PREX1: variants seen among roughly 807,000 people sequenced by gnomAD.
PREX1 encodes the protein phosphatidylinositol 3,4,5-trisphosphate-dependent Rac exchanger 1 protein.
In PREX1, 41 loss-of-function variants were observed where a neutral mutation model predicts 198.3. The observed-to-expected ratio is 0.21, with a 90% CI of 0.16 to 0.27. The LOEUF (loss-of-function observed/expected upper bound fraction) is 0.27, where lower values mean the gene tolerates loss of function less well. Among genes scored for constraint, PREX1 ranks in the 10% least tolerant of loss-of-function variants. PREX1 has a pLI of 1.00. For synonymous variants in PREX1, 843 were observed against 887.2 expected (o/e 0.95, Z 0.89); for missense variants, 1,620 against 2,200.7 (o/e 0.74, Z 5.28).
chr20:48,842,624 C>A, the PREX1 span, among the ~76,000 whole-genome samples: 1 of 150,752 alleles, frequency 6.6e-6, no homozygotes, highest in East Asian at 1.9e-4. Context: ...ATCTAGTAGC[C>A]GTGTCTCCAT....
intron 3 of PREX1, among the ~76,000 whole-genome samples, chr20:48,735,155 C>T (rs1226556548): frequency 6.6e-6 from 1 of 152,176 alleles, no homozygotes; most frequent in Non-Finnish European, 1.5e-5. Context: ...GTCAGGGTTT[C>T]CCGTACTGGA....
intron 4 of PREX1, among the ~76,000 whole-genome samples, chr20:48,727,327 G>A (rs1204177555): frequency 1.3e-5 from 2 of 151,988 alleles, no homozygotes; most frequent in African/African-American, 2.4e-5. Context: ...TAACTCCCAC[G>A]CTCAGCCCTA....
Position 48,745,019 on chromosome 20 carries a change from A to G in PREX1, c.414+6T>C. The G allele has an allele frequency of 6.2e-7, 1 of 1,613,818 alleles. No individual in the cohort carries two copies. Among genetic ancestry groups the G allele is most frequent in the Non-Finnish European group, 8.5e-7 (1 of 1,179,736 alleles). ...AGTCCACCAGGGGCAGTGGCATGGT[A>G]CTCACGAATTTTAAGAAAACATTCC... On this transcript the variant is annotated splice_donor_region_variant and intron_variant, in intron 3 of 39. Coordinates refer to ENST00000371941, the MANE Select transcript of PREX1 (RefSeq NM_020820.4).
At chr20:48,883,937 C>G in the PREX1 span, among the ~76,000 whole-genome samples, 19 of 151,914 alleles carry the variant, frequency 1.3e-4, no homozygotes, top group Non-Finnish European at 2.1e-4. Flanking sequence ...TCAGCAGATC[C>G]AGACCATCCT....
intron 3 of PREX1, among the ~76,000 whole-genome samples, chr20:48,744,476 G>C (rs996372490): frequency 6.6e-6 from 1 of 152,184 alleles, no homozygotes; most frequent in Non-Finnish European, 1.5e-5. Flanking sequence ...GAAAAAGAGG[G>C]TATGGAAAAG....
intron 6 of PREX1, among the ~76,000 whole-genome samples, chr20:48,703,413 G>C (rs545093152): frequency 6.6e-6 from 1 of 152,314 alleles, no homozygotes; most frequent in Admixed American, 6.5e-5. Flanking sequence ...TTTCCAGTGA[G>C]GTAGCAGCCT....
At chr20:48,866,227 A>G in the PREX1 span, among the ~76,000 whole-genome samples, 1 of 152,298 alleles carries the variant, frequency 6.6e-6, no homozygotes, top group Admixed American at 6.5e-5. Context: ...TACTTTGTGC[A>G]TGTTTTAATG....
chr20:48,694,494 C>A (rs1317515985), intron 7 of PREX1, among the ~76,000 whole-genome samples: 1 of 152,168 alleles, frequency 6.6e-6, no homozygotes, highest in Non-Finnish European at 1.5e-5. Flanking sequence ...GAGACAGTCC[C>A]TAAGCAAGGT....
intron 11 of PREX1, among the ~76,000 whole-genome samples, 189 bp downstream of exon 11, chr20:48,681,046 T>A (rs931316456): frequency 3.9e-5 from 6 of 152,230 alleles, no homozygotes; most frequent in Non-Finnish European, 7.3e-5. Context: ...TTTTGAGGTA[T>A]CCCTGATTTG....
At chr20:48,744,030 TG>T (rs1568847359) in intron 3 of PREX1, among the ~76,000 whole-genome samples, 1 of 149,048 alleles carries the variant, frequency 6.7e-6, no homozygotes, top group African/African-American at 2.5e-5. Flanking sequence ...ATGATGATGA[TG>T]ATGAGTTAAC....
At chr20:48,687,076 C>T (rs893401881) in intron 10 of PREX1, among the ~76,000 whole-genome samples, 3 of 152,170 alleles carry the variant, frequency 2.0e-5, no homozygotes, top group Non-Finnish European at 1.5e-5. Flanking sequence ...CCAATGCCAT[C>T]ATCGGGCCCC....
chr20:48,883,899 G>T, the PREX1 span, among the ~76,000 whole-genome samples: 1 of 152,084 alleles, frequency 6.6e-6, no homozygotes. Flanking sequence ...CCAGCACTTT[G>T]GGGGGCTGAG....
intron 10 of PREX1, among the ~76,000 whole-genome samples, chr20:48,685,397 T>C (rs944761021): frequency 2.0e-5 from 3 of 152,238 alleles, no homozygotes; most frequent in African/African-American, 7.2e-5. Context: ...CATACACTCA[T>C]CATGCACAGC....
chr20:48,749,620 C>T (rs1054825423), intron 1 of PREX1, among the ~76,000 whole-genome samples: 4 of 152,180 alleles, frequency 2.6e-5, no homozygotes, highest in East Asian at 1.9e-4. Flanking sequence ...CCCGGGAGCC[C>T]GGCCACCTGC....
intron 1 of PREX1, among the ~76,000 whole-genome samples, chr20:48,798,909 CT>C (rs1568868285): frequency 7.2e-5 from 11 of 152,018 alleles, no homozygotes; most frequent in Non-Finnish European, 2.9e-5. Context: ...TAACTTTTTT[CT>C]TTTTGAGACA....
At chr20:48,741,435 C>A (rs2090081315) in intron 3 of PREX1, among the ~76,000 whole-genome samples, 1 of 152,144 alleles carries the variant, frequency 6.6e-6, no homozygotes, top group South Asian at 2.1e-4. Context: ...TCTCAACTCA[C>A]TGCAGCCTCA....
intron 33 of PREX1, among the ~76,000 whole-genome samples, chr20:48,633,777 C>T (rs2089334665): frequency 6.6e-6 from 1 of 152,184 alleles, no homozygotes; most frequent in South Asian, 2.1e-4. Context: ...CGATCAGAAT[C>T]GCTAGGGCCC....
intron 1 of PREX1, among the ~76,000 whole-genome samples, chr20:48,798,085 C>A (rs2090371195): frequency 6.6e-6 from 1 of 152,212 alleles, no homozygotes; most frequent in Admixed American, 6.5e-5. Context: ...CATGAACTCA[C>A]TTTTGCCCTT....
At chr20:48,848,259 T>G in the PREX1 span, among the ~76,000 whole-genome samples, 2 of 151,570 alleles carry the variant, frequency 1.3e-5, no homozygotes, top group Admixed American at 6.6e-5. Flanking sequence ...TTTTTTTTTT[T>G]TTTGTTTCTT....
Sources: gnomAD v4.1 joint callset for allele counts (sites outside exome capture counted in the v4.1 genomes callset) on GRCh38, gnomAD v4.1.1 for gene constraint, MANE v1.5 for transcripts, NCBI Gene and HGNC (gene_info 2026-07-23, HGNC 2026-07-21) for gene names.